ENDOV: variants seen among roughly 807,000 people sequenced by gnomAD.
ENDOV encodes hEndoV.
A neutral mutation model predicts 39.4 loss-of-function variants in ENDOV; 37 were observed. The ratio of observed to expected loss-of-function variants is 0.94; its 90% CI spans 0.72 to 1.23. The LOEUF (loss-of-function observed/expected upper bound fraction) is 1.23. Ranked by LOEUF, ENDOV falls within the 50% of genes most tolerant of loss-of-function variation. The pLI is 0.00. For synonymous variants in ENDOV, 186 were observed against 163.4 expected (o/e 1.14, Z -1.05); for missense variants, 441 against 375.7 (o/e 1.17, Z -1.44).
At position 80,436,003 on chromosome 17, in the gene ENDOV, C is replaced by T. The variant is rs1208917025; in HGVS notation, c.839-130C>T. On this transcript the variant is annotated intron_variant, in intron 9 of 9. Coordinates refer to ENST00000518137, the MANE Select transcript of ENDOV (RefSeq NM_173627.5). ...CTCCTGGGCTCAAGCTTTCCTCCCA[C>T]CTCGGCCTCCCCAAGTGCTGAGATT... is the stretch of plus-strand genomic sequence containing the variant. 8.0e-6 allele frequency: 8 copies of T among 1,006,160 alleles called. No homozygotes were observed. In the Admixed American group the frequency reaches 1.6e-4, roughly 20 times the overall value. 62.3% of individuals were successfully genotyped at this position (1,006,160 alleles called of 1,614,324 possible). A position where few individuals can be genotyped will look rare whatever the true frequency, so the allele number is the denominator to read the frequency against.
chr17:80,416,047 G>A, intron 2 of ENDOV: 1 of 454,982 alleles, frequency 2.2e-6, no homozygotes, highest in Non-Finnish European at 3.9e-6. Context: ...AGACCAGCCT[G>A]ACCAACATGG....
chr17:80,433,768 G>A (rs1385982806), intron 9 of ENDOV, among the ~76,000 whole-genome samples: 2 of 152,174 alleles, frequency 1.3e-5, no homozygotes, highest in East Asian at 3.9e-4. Context: ...GGTTCCTCAA[G>A]GACCATGGGT....
intron 4 of ENDOV, among the ~76,000 whole-genome samples, chr17:80,423,018 A>G (rs1247263367): frequency 1.4e-5 from 2 of 142,428 alleles, no homozygotes; most frequent in African/African-American, 4.9e-5. Flanking sequence ...GGGCTCTTTT[A>G]CTGTTACATA....
Position 80,436,493 on chromosome 17 carries a change from AT to A in ENDOV, c.*354del. ...TGTTTTTATCCTTAAAGGGTACTGG[AT>A]TTTGTCAAATGCTTTTCTGGCCTCT... On this transcript the variant is annotated 3_prime_UTR_variant, in exon 10 of 10. Transcript: ENST00000518137. 1 of 639,330 alleles carries A rather than the reference AT, an allele frequency of 1.6e-6. No homozygotes were observed. The highest frequency in any genetic ancestry group is 2.0e-5 in the South Asian group (1 of 49,678). The allele number at this position is 639,330 out of a possible 1,614,324, so 39.6% of individuals were successfully genotyped here.
At chr17:80,421,307 A>G (rs142721768) in intron 2 of ENDOV, among the ~76,000 whole-genome samples, 18 of 101,778 alleles carry the variant, frequency 1.8e-4, no homozygotes, top group South Asian at 3.1e-4. Context: ...ATCCTCATAC[A>G]GACCAGATCC....
At chr17:80,422,162 G>T (rs767387570) in intron 3 of ENDOV, 44 bp from the exon 4 acceptor site, 1 of 1,612,346 alleles carries the variant, frequency 6.2e-7, no homozygotes, top group Non-Finnish European at 8.5e-7. Flanking sequence ...CCTGAGGGCC[G>T]AGGGGCAGCT....
At chr17:80,430,414 C>T (rs896789768) in intron 9 of ENDOV, 13 of 1,465,320 alleles carry the variant, frequency 8.9e-6, no homozygotes, top group East Asian at 2.7e-5. Context: ...GATCTCTTTA[C>T]CCTGAGGTTT....
At chr17:80,426,387 G>C (rs1387724794) in intron 7 of ENDOV, among the ~76,000 whole-genome samples, 2 of 152,230 alleles carry the variant, frequency 1.3e-5, no homozygotes, top group Admixed American at 1.3e-4. Context: ...GGTGGCTCAC[G>C]CCTGTAACCC....
intron 9 of ENDOV, 116 bp downstream of exon 9, chr17:80,429,947 C>T: frequency 2.5e-6 from 4 of 1,580,934 alleles, no homozygotes; most frequent in Non-Finnish European, 3.4e-6. Context: ...ACCATGAAGA[C>T]AAGAAGGCCA....
At chr17:80,427,673 C>G (rs1479520853) in intron 7 of ENDOV, 15 of 1,267,798 alleles carry the variant, frequency 1.2e-5, no homozygotes, top group Non-Finnish European at 1.5e-5. Context: ...AACAGGTTCA[C>G]CTCCTGCTCT....
chr17:80,427,805 G>A, intron 7 of ENDOV: 1 of 1,288,782 alleles, frequency 7.8e-7, no homozygotes. Context: ...CTGGTTGCCA[G>A]GTCCAGGCTC....
At chr17:80,432,117 T>G (rs1226419601) in intron 9 of ENDOV, among the ~76,000 whole-genome samples, 8 of 152,124 alleles carry the variant, frequency 5.3e-5, no homozygotes, top group Admixed American at 5.2e-4. Context: ...CAGCACCTGA[T>G]AAGCCGAGAG....
chr17:80,417,190 C>G (rs1008998437), intron 2 of ENDOV: 2 of 152,250 alleles, frequency 1.3e-5, no homozygotes, highest in African/African-American at 4.8e-5. Context: ...AGGCTCAGCC[C>G]TCACCACTAT....
In ENDOV at chr17:80,436,448, T is replaced by C. The variant is rs1395981427; in HGVS notation, c.*305T>C. 5 of 1,120,342 alleles carry C rather than the reference T, an allele frequency of 4.5e-6. No homozygotes were observed. The highest frequency in any genetic ancestry group is 5.9e-6 in the Non-Finnish European group (5 of 849,990). 69.4% of individuals were successfully genotyped at this position (1,120,342 alleles called of 1,614,324 possible). On this transcript the variant is annotated 3_prime_UTR_variant, in exon 10 of 10. Transcript: ENST00000518137. ...CTTCATCCAGCTGAAGACGGTCCCTTCTAGTCCTAATTTGTTAAGTGTTTT... is the reference window on the plus strand; with the variant it reads ...CTTCATCCAGCTGAAGACGGTCCCTCCTAGTCCTAATTTGTTAAGTGTTTT...
chr17:80,424,942 G>T, intron 5 of ENDOV, 90 bp from the exon 6 acceptor site: 1 of 1,123,354 alleles, frequency 8.9e-7, no homozygotes, highest in South Asian at 1.4e-5. Flanking sequence ...GCAACAGTGC[G>T]ACACTCCGTC....
intron 9 of ENDOV, among the ~76,000 whole-genome samples, chr17:80,430,656 G>A (rs996966243): frequency 5.9e-5 from 9 of 152,220 alleles, no homozygotes; most frequent in Middle Eastern, 3.2e-3. Context: ...GGCAGCACAC[G>A]GGCAGTCTGG....
intron 2 of ENDOV, chr17:80,417,806 G>A (rs1298199543): frequency 6.6e-6 from 1 of 152,172 alleles, no homozygotes; most frequent in Non-Finnish European, 1.5e-5. Context: ...GCCCACCATG[G>A]ATAGCATGAG....
At chr17:80,424,899 G>A (rs939929831) in intron 5 of ENDOV, 133 bp from the exon 6 acceptor site, 2 of 702,152 alleles carry the variant, frequency 2.8e-6, no homozygotes, top group Non-Finnish European at 4.9e-6. Flanking sequence ...AGGTTGCAGT[G>A]AGCTGAGATC....
chr17:80,422,356 C>G, intron 4 of ENDOV, 111 bp downstream of exon 4: 2 of 1,332,856 alleles, frequency 1.5e-6, no homozygotes, highest in South Asian at 1.2e-5. Context: ...CTGCCGCCAG[C>G]CCCCTCCAAT....
Sources: allele counts gnomAD v4.1 joint callset (sites outside exome capture counted in the v4.1 genomes callset), GRCh38; gene constraint gnomAD v4.1.1; transcripts MANE v1.5; gene names NCBI Gene and HGNC (gene_info 2026-07-23, HGNC 2026-07-21).